The following WNK1 variants were observed in gnomAD, a reference collection of about 807,000 sequenced individuals.
The protein encoded by WNK1 is serine/threonine-protein kinase WNK1.
WNK1 carries 38 observed loss-of-function variants against 222.8 expected under a neutral mutation model. The observed-to-expected ratio is 0.17, with a 90% CI of 0.13 to 0.22. The LOEUF (loss-of-function observed/expected upper bound fraction) is 0.22. Ranked by LOEUF, WNK1 falls within the 10% of genes least tolerant of loss-of-function variation. WNK1 has a pLI of 1.00. For synonymous variants in WNK1, 1,090 were observed against 1,092.9 expected, an observed-to-expected ratio of 1.00 and a Z score of 0.05; for missense variants, 2,348 against 2,918.4, an observed-to-expected ratio of 0.80 and a Z score of 4.50.
intron 1 of WNK1, among the ~76,000 whole-genome samples, chr12:772,404 G>GGT (rs372617624): frequency 0.037 from 4,343 of 117,510 alleles, 82 homozygotes; most frequent in African/African-American, 0.069. Context: ...TCATAATTGG[G>GGT]GTGTGTGTGT....
intron 1 of WNK1, among the ~76,000 whole-genome samples, chr12:807,844 C>T (rs1383511887): frequency 4.0e-5 from 6 of 151,194 alleles, no homozygotes; most frequent in South Asian, 4.2e-4. Context: ...CTCAGCCTCC[C>T]GAGTAGCTGG....
chr12:804,939 TTA>T (rs61588639), intron 1 of WNK1, among the ~76,000 whole-genome samples: 57,051 of 146,140 alleles, frequency 0.39, 11,926 homozygotes, highest in African/African-American at 0.54. Flanking sequence ...TTTATAAATA[TTA>T]TATATATATA....
rs34408667 is a variant in WNK1 at position 859,424 on chromosome 12, A to G, written c.1580A>G (p.Asp527Gly). 6.2e-7 allele frequency: 1 copy of G among 1,612,608 alleles called. No homozygotes were observed. Among genetic ancestry groups the G allele is most frequent in the Non-Finnish European group, 8.5e-7 (1 of 1,179,346 alleles). Residue 527 changes from aspartate to glycine, a missense_variant, in exon 6 of 28, where the codon GAT becomes GGT. Asp to Gly is a moderately conservative substitution (Grantham distance 94). Transcript: ENST00000315939. Reference sequence around the variant, plus strand: ...AATGAAGCTATTGAGTTTTCTTTTGATTTAGAGAGAGATGTCCCAGAAGAT... The same window carrying G: ...AATGAAGCTATTGAGTTTTCTTTTGGTTTAGAGAGAGATGTCCCAGAAGAT... ...KDNEAIEFSF[D>G]LERDVPEDVA...
At chr12:805,396 C>A (rs928902463) in intron 1 of WNK1, among the ~76,000 whole-genome samples, 2 of 152,068 alleles carry the variant, frequency 1.3e-5, no homozygotes, top group Admixed American at 6.6e-5. Context: ...AAGGACAGTT[C>A]TTTAATGTGA....
intron 1 of WNK1, among the ~76,000 whole-genome samples, chr12:813,000 G>A (rs1309173163): frequency 6.6e-6 from 1 of 151,968 alleles, no homozygotes; most frequent in East Asian, 1.9e-4. Context: ...CCAGGCTTTG[G>A]GATGCCAAAG....
intron 4 of WNK1, among the ~76,000 whole-genome samples, chr12:844,410 A>G (rs918429654): frequency 3.3e-5 from 5 of 152,320 alleles, no homozygotes; most frequent in East Asian, 3.9e-4. Flanking sequence ...TTCTGGGATT[A>G]CAGGCGTGAA....
At chr12:847,720 T>C (rs1438756453) in intron 4 of WNK1, among the ~76,000 whole-genome samples, 1 of 151,970 alleles carries the variant, frequency 6.6e-6, no homozygotes, top group East Asian at 1.9e-4. Flanking sequence ...GGTGGTGCAG[T>C]GTATCTAGCA....
At position 752,602 on chromosome 12, in the gene WNK1, G is replaced by C. The variant is rs905284760; in HGVS notation, c.-964G>C. The C allele has an allele frequency of 6.6e-6, 1 of 152,270 alleles. No individual in the cohort carries two copies. The highest frequency in any genetic ancestry group is 1.9e-4 in the East Asian group (1 of 5,178). 9.4% of individuals were successfully genotyped at this position (152,270 alleles called of 1,614,324 possible). A position where few individuals can be genotyped will look rare whatever the true frequency, so the allele number is the denominator to read the frequency against. The stretch of plus-strand genomic sequence containing the variant: ...TCAGACTCCCGGCGCCATTTAGCGC[G>C]GAGAGTTTCCCGGGTGGACGCGGCT... On this transcript the variant is annotated 5_prime_UTR_variant, in exon 1 of 28. Coordinates refer to ENST00000315939, the MANE Select transcript of WNK1 (RefSeq NM_018979.4).
At chr12:795,296 G>GTTT (rs35447912) in intron 1 of WNK1, among the ~76,000 whole-genome samples, 15 of 133,028 alleles carry the variant, frequency 1.1e-4, no homozygotes, top group Admixed American at 9.8e-4. Context: ...ATTTTCCGTT[G>GTTT]TTTTTTTTTT....
rs542440166 is a variant in WNK1, at chr12:763,472, C to G, written c.759+9148C>G. 7.5e-5 allele frequency among the ~76,000 whole-genome samples: 11 copies of G among 146,600 alleles called. No homozygotes were observed. In the East Asian group the frequency reaches 2.2e-3, roughly 29 times the overall value. On this transcript the variant is annotated intron_variant, in intron 1 of 27. Transcript: ENST00000315939. ...GGTGTGGTGGTGCATGCCTGTAATC[C>G]CAGCTACTTGGGAGGTTGAGGCAGG...
At chr12:811,717 A>G (rs577275185) in intron 1 of WNK1, among the ~76,000 whole-genome samples, 1 of 152,068 alleles carries the variant, frequency 6.6e-6, no homozygotes, top group Non-Finnish European at 1.5e-5. Flanking sequence ...TAAAAAAAAA[A>G]CAATATTCAG....
intron 4 of WNK1, among the ~76,000 whole-genome samples, chr12:835,950 T>TAA (rs58030405): frequency 7.1e-6 from 1 of 140,906 alleles, no homozygotes; most frequent in East Asian, 2.0e-4. Flanking sequence ...AGACTTGGTC[T>TAA]AAAAAAAAAA....
intron 12 of WNK1, 101 bp from the exon 13 acceptor site, chr12:881,591 A>G (rs867964037): frequency 1.1e-6 from 1 of 889,994 alleles, no homozygotes; most frequent in Middle Eastern, 2.5e-4. Flanking sequence ...TGCTTCTAGG[A>G]CGTAGTGGGG....
intron 1 of WNK1, among the ~76,000 whole-genome samples, chr12:802,459 G>A (rs181188982): frequency 5.3e-5 from 8 of 152,252 alleles, no homozygotes; most frequent in Admixed American, 2.6e-4. Context: ...GTCAGACAGC[G>A]GGGTCATAAA....
chr12:890,646 C>G lies in WNK1; in HGVS notation c.5509+133C>G. On this transcript the variant is annotated intron_variant, in intron 22 of 27. Coordinates refer to ENST00000315939, the MANE Select transcript of WNK1 (RefSeq NM_018979.4). ...GGAGCATTGGTAGTAATATCTAAAG[C>G]TTGAAAGATTAGCAAATTAATAAAT... 5.4e-6 allele frequency: 5 copies of G among 933,984 alleles called. No individual in the cohort carries two copies. In the South Asian group the frequency reaches 5.6e-5, roughly 10 times the overall value. 57.9% of individuals were successfully genotyped at this position (933,984 alleles called of 1,614,324 possible). A position where few individuals can be genotyped will look rare whatever the true frequency, so the allele number is the denominator to read the frequency against.
intron 9 of WNK1, among the ~76,000 whole-genome samples, chr12:872,477 A>G (rs915168064): frequency 2.0e-5 from 3 of 152,204 alleles, no homozygotes; most frequent in Non-Finnish European, 4.4e-5. Context: ...TGTTCCAGAA[A>G]GTTCAAGGAA....
chr12:822,020 A>C (rs1405087501), intron 2 of WNK1, among the ~76,000 whole-genome samples: 1 of 124,950 alleles, frequency 8.0e-6, no homozygotes, highest in Admixed American at 7.8e-5. Flanking sequence ...AGGAGAGTTT[A>C]TTTACATTTA....
At chr12:755,747 CG>C (rs1453421665) in intron 1 of WNK1, among the ~76,000 whole-genome samples, 1 of 152,142 alleles carries the variant, frequency 6.6e-6, no homozygotes, top group Non-Finnish European at 1.5e-5. Flanking sequence ...GAGGCCAAGG[CG>C]GGTGGATCAC....
intron 25 of WNK1, among the ~76,000 whole-genome samples, chr12:899,435 A>G (rs1326955473): frequency 3.9e-5 from 6 of 152,078 alleles, no homozygotes; most frequent in African/African-American, 1.4e-4. Flanking sequence ...AACCAAATGT[A>G]TAAGAACACC....
Sources: gnomAD v4.1 joint callset for allele counts (sites outside exome capture counted in the v4.1 genomes callset) on GRCh38, gnomAD v4.1.1 for gene constraint, MANE v1.5 for transcripts, NCBI Gene and HGNC (gene_info 2026-07-23, HGNC 2026-07-21) for gene names.